The following SCUBE3 variants were observed in gnomAD, a reference collection of about 807,000 sequenced individuals.
The protein encoded by SCUBE3 is signal peptide, CUB and EGF-like domain-containing protein 3.
A neutral mutation model predicts 116.8 loss-of-function variants in SCUBE3; 33 were observed. The ratio of observed to expected loss-of-function variants is 0.28; its 90% CI spans 0.21 to 0.38. The LOEUF is 0.38. SCUBE3 is among the 10% of genes least tolerant of loss of function. SCUBE3 has a pLI of 1.00. For synonymous variants in SCUBE3, 418 were observed against 496.9 expected (o/e 0.84, Z 2.11); for missense variants, 1,007 against 1,324.8 (o/e 0.76, Z 3.72).
In SCUBE3 at chr6:35,214,379, G is replaced by A; in HGVS notation, c.-40G>A. 7.4e-7 allele frequency: 1 copy of A among 1,354,776 alleles called. No individual in the cohort carries two copies. Among genetic ancestry groups the A allele is most frequent in the South Asian group, 1.6e-5 (1 of 64,266 alleles). The allele number at this position is 1,354,776 out of a possible 1,614,324, so 83.9% of individuals were successfully genotyped here. Reference sequence around the variant, plus strand: ...CCGGCTTCCGCCCTCCCCTGGCCGCGAGACCGGCCCCGGCGGCTGGGCCGC... The same window carrying A: ...CCGGCTTCCGCCCTCCCCTGGCCGCAAGACCGGCCCCGGCGGCTGGGCCGC... On this transcript the variant is annotated 5_prime_UTR_variant, in exon 1 of 22. Coordinates refer to ENST00000274938, the MANE Select transcript of SCUBE3 (RefSeq NM_152753.4). The surrounding 1 kb of genome is among the most constrained non-coding windows in gnomAD (Gnocchi z 6.3).
chr6:35,241,052 T>C lies in SCUBE3; in HGVS notation c.1070-89T>C. 7.5e-7 allele frequency: 1 copy of C among 1,330,436 alleles called. No individual in the cohort carries two copies. Among genetic ancestry groups the C allele is most frequent in the African/African-American group, 1.5e-5 (1 of 68,872 alleles). 82.4% of individuals were successfully genotyped at this position (1,330,436 alleles called of 1,614,324 possible). On this transcript the variant is annotated intron_variant, in intron 9 of 21. Coordinates refer to ENST00000274938, the MANE Select transcript of SCUBE3 (RefSeq NM_152753.4). This position sits in a 1 kb window ranked among gnomAD's most constrained non-coding sequence, Gnocchi z 4.1. ...TTGCGTAATGCAGGGTACCTGAAAC[T>C]CTAACCAAAGGCCCTCACTCACTGC...
At chr6:35,242,379 T>A (rs1784110811) in intron 13 of SCUBE3, 59 bp downstream of exon 13, 3 of 1,233,504 alleles carry the variant, frequency 2.4e-6, no homozygotes, top group Non-Finnish European at 2.4e-6. Context: ...TCCTTACCCC[T>A]CAGCTCCTCT....
Position 35,235,979 on chromosome 6 carries a change from C to T in SCUBE3, c.713-1923C>T, listed in dbSNP as rs1783754934. On this transcript the variant is annotated intron_variant, in intron 6 of 21. Coordinates refer to ENST00000274938, the MANE Select transcript of SCUBE3 (RefSeq NM_152753.4). This position sits in a 1 kb window ranked among gnomAD's most constrained non-coding sequence, Gnocchi z 4.5. Reference sequence around the variant, plus strand: ...TCACCATTCTCTCCTACCGTAATGGCTAAGAGCATGGCATGTGTGTTCAGG... The same window carrying T: ...TCACCATTCTCTCCTACCGTAATGGTTAAGAGCATGGCATGTGTGTTCAGG... Among the ~76,000 whole-genome samples, 2 of 152,216 alleles carry T rather than the reference C, an allele frequency of 1.3e-5. No individual in the cohort carries two copies. The highest frequency in any genetic ancestry group is 1.3e-4 in the Admixed American group (2 of 15,286).
chr6:35,250,268 G>A lies in SCUBE3; in HGVS notation c.*1563G>A, dbSNP rs1784504410. 1 of 152,254 alleles carries A rather than the reference G, an allele frequency of 6.6e-6. No individual in the cohort carries two copies. The highest frequency in any genetic ancestry group is 1.5e-5 in the Non-Finnish European group (1 of 68,048). The allele number at this position is 152,254 out of a possible 1,614,324, so 9.4% of individuals were successfully genotyped here. A position where few individuals can be genotyped will look rare whatever the true frequency, so the allele number is the denominator to read the frequency against. On this transcript the variant is annotated 3_prime_UTR_variant, in exon 22 of 22. Transcript: ENST00000274938. ...CAGTGTGGACCTCATGATTATAGAG[G>A]CCAATGGAACTGGTCAGTGATTCTC...
chr6:35,223,122 G>C (rs184525051), intron 1 of SCUBE3: 70 of 152,368 alleles, frequency 4.6e-4, no homozygotes, highest in African/African-American at 1.5e-3. Context: ...GGATTTCGAG[G>C]TTGCAGTGAG....
At position 35,252,799 on chromosome 6, in the gene SCUBE3, A is replaced by G. The variant is rs1402040885; in HGVS notation, c.*4094A>G. The G allele has an allele frequency of 1.3e-5, 2 of 152,250 alleles. No individual in the cohort carries two copies. Among genetic ancestry groups the G allele is most frequent in the African/African-American group, 4.8e-5 (2 of 41,472 alleles). 9.4% of individuals were successfully genotyped at this position (152,250 alleles called of 1,614,324 possible). ...GCAGTTTGAACAAACTGAAAACTTT[A>G]TACTTCTGTGTGAGCTGAACTCAAG... On this transcript the variant is annotated 3_prime_UTR_variant, in exon 22 of 22. Coordinates refer to ENST00000274938, the MANE Select transcript of SCUBE3 (RefSeq NM_152753.4).
chr6:35,241,389 C>A lies in SCUBE3; in HGVS notation c.1195+123C>A. ...AGGTGGAAAGGGTGGAGAATGTAGCCATTTTGAGTTAAAGACATGAAATTT... is the reference window on the plus strand; with the variant it reads ...AGGTGGAAAGGGTGGAGAATGTAGCAATTTTGAGTTAAAGACATGAAATTT... On this transcript the variant is annotated intron_variant, in intron 10 of 21. Coordinates refer to ENST00000274938, the MANE Select transcript of SCUBE3 (RefSeq NM_152753.4). This position sits in a 1 kb window ranked among gnomAD's most constrained non-coding sequence, Gnocchi z 4.1. 8.1e-7 allele frequency: 1 copy of A among 1,239,356 alleles called. No individual in the cohort carries two copies. 76.8% of individuals were successfully genotyped at this position (1,239,356 alleles called of 1,614,324 possible).
chr6:35,236,139 T>C (rs1783761539), intron 6 of SCUBE3, among the ~76,000 whole-genome samples: 1 of 152,218 alleles, frequency 6.6e-6, no homozygotes, highest in South Asian at 2.1e-4. Context: ...CTTGAGATAG[T>C]GCATGTAGAG....
In SCUBE3 at chr6:35,239,619, G is replaced by C. The variant is rs1320336774; in HGVS notation, c.830-133G>C. ...GGAAAGAGAAAGAGAAAGAGACAGA[G>C]AGAGATCAAGAAGAGGCAGGCCCAG... is the stretch of plus-strand genomic sequence containing the variant. On this transcript the variant is annotated intron_variant, in intron 7 of 21. Coordinates refer to ENST00000274938, the MANE Select transcript of SCUBE3 (RefSeq NM_152753.4). This position sits in a 1 kb window ranked among gnomAD's most constrained non-coding sequence, Gnocchi z 4.1. 1.4e-6 allele frequency: 1 copy of C among 733,632 alleles called. No homozygotes were observed. The highest frequency in any genetic ancestry group is 2.3e-6 in the Non-Finnish European group (1 of 433,630). 45.4% of individuals were successfully genotyped at this position (733,632 alleles called of 1,614,324 possible).
Position 35,235,580 on chromosome 6 carries a change from ACTGGGCCCAGC to A in SCUBE3, c.712+2283_712+2293del, listed in dbSNP as rs1783736558. 1.4e-6 allele frequency: 1 copy of A among 718,070 alleles called. No homozygotes were observed. Among genetic ancestry groups the A allele is most frequent in the South Asian group, 1.5e-5 (1 of 67,986 alleles). The allele number at this position is 718,070 out of a possible 1,614,324, so 44.5% of individuals were successfully genotyped here. ...TGGGGCTCCCACTAACTGCATGCCC[ACTGGGCCCAGC>A]CTGACTGGGCCCCAACTTGCCAGCA... On this transcript the variant is annotated intron_variant, in intron 6 of 21. Coordinates refer to ENST00000274938, the MANE Select transcript of SCUBE3 (RefSeq NM_152753.4). This position sits in a 1 kb window ranked among gnomAD's most constrained non-coding sequence, Gnocchi z 4.5.
chr6:35,230,254 G>A (rs1783489163), intron 3 of SCUBE3, among the ~76,000 whole-genome samples: 1 of 152,204 alleles, frequency 6.6e-6, no homozygotes, highest in Non-Finnish European at 1.5e-5. Flanking sequence ...TACAGGACAT[G>A]CACATAAGCT....
intron 7 of SCUBE3, 59 bp downstream of exon 7, chr6:35,238,077 C>A: frequency 1.0e-6 from 1 of 995,846 alleles, no homozygotes; most frequent in Non-Finnish European, 1.6e-6. Flanking sequence ...GAGGTTGGGA[C>A]CAGAGATAGG....
At position 35,244,672 on chromosome 6, in the gene SCUBE3, C is replaced by T. The variant is rs1035906265; in HGVS notation, c.2262C>T (p.Tyr754=). Residue 754 remains tyrosine (Y), a synonymous_variant, in exon 18 of 22, where the codon TAC becomes TAT. Transcript: ENST00000274938. This position sits in a 1 kb window ranked among gnomAD's most constrained non-coding sequence, Gnocchi z 4.3. ...DTKVQCSPGH[Y]YNTSIHRCIR... is the part of the protein sequence containing the mutation. ...CAGTCCAGTGCTCCCCAGGGCACTA[C>T]TACAACACCAGCATCCACCGCTGTA... The T allele has an allele frequency of 1.9e-6, 3 of 1,614,164 alleles. No homozygotes were observed. Among genetic ancestry groups the T allele is most frequent in the South Asian group, 1.1e-5 (1 of 91,082 alleles).
In SCUBE3 at chr6:35,226,837, T is replaced by C. The variant is rs546247469; in HGVS notation, c.86-743T>C. On this transcript the variant is annotated intron_variant, in intron 1 of 21. Coordinates refer to ENST00000274938, the MANE Select transcript of SCUBE3 (RefSeq NM_152753.4). ...GCTAGATGGTGAGTGGCCTCTTCCT[T>C]CAAGTATAGCTGTGTGTGTAGCACC... 4.6e-5 allele frequency among the ~76,000 whole-genome samples: 7 copies of C among 152,226 alleles called. No homozygotes were observed. In the South Asian group the frequency reaches 1.5e-3, roughly 32 times the overall value.
chr6:35,252,290 G>A lies in SCUBE3; in HGVS notation c.*3585G>A, dbSNP rs1051449277. ...TCCCCAAAGGCTGGCACTGAGCTGTGACTGCTTTAACAGCCCCCAAGATTT... is the reference window on the plus strand; with the variant it reads ...TCCCCAAAGGCTGGCACTGAGCTGTAACTGCTTTAACAGCCCCCAAGATTT... On this transcript the variant is annotated 3_prime_UTR_variant, in exon 22 of 22. Coordinates refer to ENST00000274938, the MANE Select transcript of SCUBE3 (RefSeq NM_152753.4). 6.6e-6 allele frequency: 1 copy of A among 152,220 alleles called. No homozygotes were observed. Among genetic ancestry groups the A allele is most frequent in the Admixed American group, 6.5e-5 (1 of 15,280 alleles). 9.4% of individuals were successfully genotyped at this position (152,220 alleles called of 1,614,324 possible). A position where few individuals can be genotyped will look rare whatever the true frequency, so the allele number is the denominator to read the frequency against.
At chr6:35,217,743 C>T (rs547248541) in intron 1 of SCUBE3, among the ~76,000 whole-genome samples, 1 of 152,210 alleles carries the variant, frequency 6.6e-6, no homozygotes, top group South Asian at 2.1e-4. Context: ...CCGTGGGCAG[C>T]CGGCTATTGC....
chr6:35,241,825 G>C lies in SCUBE3; in HGVS notation c.1332G>C (p.Thr444=), dbSNP rs756320758. 4.3e-6 allele frequency: 7 copies of C among 1,613,094 alleles called. No individual in the cohort carries two copies. The highest frequency in any genetic ancestry group is 1.3e-5 in the African/African-American group (1 of 74,910). Residue 444 remains threonine, a synonymous_variant, in exon 12 of 22, where the codon ACG becomes ACC. Transcript: ENST00000274938. The surrounding 1 kb of genome is among the most constrained non-coding windows in gnomAD (Gnocchi z 4.1). ...RFLPESENGF[T]VSCGTPSPRA... Reference sequence around the variant, plus strand: ...TCTCAGAGTCTGAGAATGGCTTCACGGTGAGCTGTGGGACCCCCAGCCCCA... The same window carrying C: ...TCTCAGAGTCTGAGAATGGCTTCACCGTGAGCTGTGGGACCCCCAGCCCCA...
At chr6:35,238,689 T>C (rs577111254) in intron 7 of SCUBE3, among the ~76,000 whole-genome samples, 14 of 152,352 alleles carry the variant, frequency 9.2e-5, no homozygotes, top group African/African-American at 2.9e-4. Flanking sequence ...TATTACAGTA[T>C]AGTTACCCAC....
chr6:35,245,978 C>T lies in SCUBE3; in HGVS notation c.2634C>T (p.Cys878=). 1 of 1,614,164 alleles carries T rather than the reference C, an allele frequency of 6.2e-7. No individual in the cohort carries two copies. Among genetic ancestry groups the T allele is most frequent in the Non-Finnish European group, 8.5e-7 (1 of 1,180,014 alleles). The change falls in exon 20 of 22, where the codon TGC becomes TGT. Residue 878 remains cysteine, a synonymous_variant. Coordinates refer to ENST00000274938, the MANE Select transcript of SCUBE3 (RefSeq NM_152753.4). The surrounding 1 kb of genome is among the most constrained non-coding windows in gnomAD (Gnocchi z 4.2). ...CCTCCATTACCACTTATGAGACCTG[C>T]CAGACCTACGAGCGTCCCATTGCCT... is the stretch of plus-strand genomic sequence containing the variant. ...SPSSITTYET[C]QTYERPIAFT...
Sources: gnomAD v4.1 joint callset for allele counts (sites outside exome capture counted in the v4.1 genomes callset) on GRCh38, gnomAD v4.1.1 for gene constraint, Gnocchi (gnomAD v3.1) non-coding constraint, MANE v1.5 for transcripts, NCBI Gene and HGNC (gene_info 2026-07-23, HGNC 2026-07-21) for gene names.